The following DDHD1 variants were observed in gnomAD, a reference collection of about 807,000 sequenced individuals.
The protein encoded by DDHD1 is DDHD domain containing 1, also known as phospholipase DDHD1.
A neutral mutation model predicts 96.4 loss-of-function variants in DDHD1; 49 were observed. The observed-to-expected ratio is 0.51, with a 90% CI of 0.40 to 0.64. The LOEUF (loss-of-function observed/expected upper bound fraction) is 0.64. DDHD1 is among the 30% of genes least tolerant of loss of function. The pLI, the probability that DDHD1 is intolerant of heterozygous loss-of-function variation, is 0.00. For synonymous variants in DDHD1, 442 were observed against 446.5 expected (o/e 0.99, Z 0.13); for missense variants, 1,106 against 1,161.2 (o/e 0.95, Z 0.69).
At chr14:53,088,126 T>C (rs934872337) in intron 4 of DDHD1, among the ~76,000 whole-genome samples, 4 of 152,160 alleles carry the variant, frequency 2.6e-5, no homozygotes, top group East Asian at 3.9e-4. Context: ...CAGGAGGAAG[T>C]TGAATCACTG....
intron 1 of DDHD1, among the ~76,000 whole-genome samples, chr14:53,128,637 C>A (rs769174359): frequency 6.6e-6 from 1 of 152,200 alleles, no homozygotes; most frequent in Non-Finnish European, 1.5e-5. Context: ...TTAAGTGCAA[C>A]AGCTGGTTCA....
chr14:53,130,094 C>T (rs527966356), intron 1 of DDHD1, among the ~76,000 whole-genome samples: 51 of 152,268 alleles, frequency 3.3e-4, no homozygotes, highest in African/African-American at 1.2e-3. Context: ...TCCCCTCCTC[C>T]CCAGGCTGCT....
intron 1 of DDHD1, among the ~76,000 whole-genome samples, chr14:53,145,277 C>A (rs954931860): frequency 1.3e-5 from 2 of 151,838 alleles, no homozygotes; most frequent in Non-Finnish European, 2.9e-5. Context: ...GGCAGGAGGG[C>A]TGCTTGAGCC....
chr14:53,112,327 G>A (rs775391885), intron 1 of DDHD1, among the ~76,000 whole-genome samples: 1 of 151,710 alleles, frequency 6.6e-6, no homozygotes, highest in Non-Finnish European at 1.5e-5. Flanking sequence ...TGAGGCAGAA[G>A]AATCGCTTGA....
At chr14:53,129,340 T>C (rs956306154) in intron 1 of DDHD1, among the ~76,000 whole-genome samples, 2 of 152,168 alleles carry the variant, frequency 1.3e-5, no homozygotes, top group African/African-American at 4.8e-5. Context: ...TTCACTCTCT[T>C]CTCCAACCTC....
In DDHD1 at chr14:53,126,211, T is replaced by C. The variant is rs557722144; in HGVS notation, c.839-22355A>G. The stretch of plus-strand genomic sequence containing the variant: ...AAAATATTTTCAGTATTTTTATGTA[T>C]ACATATTTACAAATTATGTATATAT... On this transcript the variant is annotated intron_variant, in intron 1 of 12. Transcript: ENST00000673822. 2.3e-4 allele frequency among the ~76,000 whole-genome samples: 35 copies of C among 152,338 alleles called. 1 individual carries two copies. In the South Asian group the frequency reaches 6.9e-3, roughly 30 times the overall value.
intron 1 of DDHD1, 148 bp downstream of exon 1, chr14:53,152,113 G>GAAGCGTTGGGTGTAGAT: frequency 2.4e-6 from 2 of 833,736 alleles, no homozygotes; most frequent in Admixed American, 3.2e-5. Flanking sequence ...AGCTGCCGAC[G>GAAGCGTTGGGTGTAGAT]CTCCCTGCTC....
At chr14:53,114,910 G>A (rs540259174) in intron 1 of DDHD1, among the ~76,000 whole-genome samples, 45 of 152,274 alleles carry the variant, frequency 3.0e-4, no homozygotes, top group African/African-American at 1.1e-3. Flanking sequence ...TCAGAAGGTG[G>A]GTAATAACAA....
At chr14:53,093,524 T>A (rs1886615627) in intron 2 of DDHD1, 80 bp from the exon 3 acceptor site, 5 of 1,535,834 alleles carry the variant, frequency 3.3e-6, no homozygotes, top group Non-Finnish European at 4.4e-6. Context: ...ACTCAGATTT[T>A]AAAATCAATA....
intron 12 of DDHD1, among the ~76,000 whole-genome samples, chr14:53,048,254 C>A (rs1196385798): frequency 6.6e-6 from 1 of 151,488 alleles, no homozygotes; most frequent in African/African-American, 2.4e-5. Flanking sequence ...AGAAGGTTTA[C>A]ATTTAAGTGG....
intron 6 of DDHD1, among the ~76,000 whole-genome samples, chr14:53,071,281 C>T (rs150939044): frequency 2.0e-5 from 3 of 151,928 alleles, no homozygotes; most frequent in Non-Finnish European, 4.4e-5. Context: ...AAAATTGGGG[C>T]CATATATGAT....
Position 53,093,321 on chromosome 14 carries a change from G to GA in DDHD1, c.1135dup (p.Ser379PhefsTer2). Reference sequence around the variant, plus strand: ...TAGTAATATTTAACAATTACCTTTAGAAAATCCCAGTTTTTGGGTAACTGT... The same window carrying GA: ...TAGTAATATTTAACAATTACCTTTAGAAAAATCCCAGTTTTTGGGTAACTGT... On this transcript the variant is annotated frameshift_variant, in exon 3 of 13. Coordinates refer to ENST00000673822, the MANE Select transcript of DDHD1 (RefSeq NM_001160148.2). LOFTEE classifies it high-confidence loss of function. 1 of 1,607,344 alleles carries GA rather than the reference G, an allele frequency of 6.2e-7. No homozygotes were observed. The highest frequency in any genetic ancestry group is 8.5e-7 in the Non-Finnish European group (1 of 1,178,446).
At chr14:53,062,035 CAAAAAAAA>C (rs779302322) in intron 7 of DDHD1, among the ~76,000 whole-genome samples, 4 of 76,798 alleles carry the variant, frequency 5.2e-5, no homozygotes, top group African/African-American at 9.5e-5. Flanking sequence ...ACTCCGTCTC[CAAAAAAAA>C]AAAAAAAAAA....
At position 53,103,242 on chromosome 14, in the gene DDHD1, G is replaced by A. The variant is rs185270970; in HGVS notation, c.1012+441C>T. The A allele has an allele frequency of 1.3e-5, 6 of 465,430 alleles. No homozygotes were observed. In the Admixed American group the frequency reaches 1.6e-4, roughly 13 times the overall value. The allele number at this position is 465,430 out of a possible 1,614,324, so 28.8% of individuals were successfully genotyped here. A position where few individuals can be genotyped will look rare whatever the true frequency, so the allele number is the denominator to read the frequency against. On this transcript the variant is annotated intron_variant, in intron 2 of 12. Transcript: ENST00000673822. ...TTGTTTCAAATTAAAACTTGATATG[G>A]TTTTCAATAGGGGATAACTAAGAGA...
intron 1 of DDHD1, among the ~76,000 whole-genome samples, chr14:53,144,069 A>C (rs1368632134): frequency 1.3e-5 from 2 of 152,250 alleles, no homozygotes; most frequent in Admixed American, 1.3e-4. Context: ...CATTCACTAT[A>C]CATGAGACAT....
chr14:53,148,617 A>G (rs2139916854), intron 1 of DDHD1, among the ~76,000 whole-genome samples: 1 of 152,274 alleles, frequency 6.6e-6, no homozygotes, highest in South Asian at 2.1e-4. Flanking sequence ...CTGGCCTAGA[A>G]TTGCTGAATT....
At chr14:53,105,069 C>T (rs1887584261) in intron 1 of DDHD1, among the ~76,000 whole-genome samples, 1 of 151,688 alleles carries the variant, frequency 6.6e-6, no homozygotes, top group Non-Finnish European at 1.5e-5. Context: ...AGATTTTAAG[C>T]ATAAGACAAA....
intron 4 of DDHD1, among the ~76,000 whole-genome samples, chr14:53,085,202 CTGAA>C: frequency 6.6e-6 from 1 of 152,202 alleles, no homozygotes; most frequent in Non-Finnish European, 1.5e-5. Flanking sequence ...CAGGGCATAG[CTGAA>C]CAAAAGGCAG....
chr14:53,120,030 G>A (rs1888863419), intron 1 of DDHD1, among the ~76,000 whole-genome samples: 1 of 152,162 alleles, frequency 6.6e-6, no homozygotes, highest in South Asian at 2.1e-4. Flanking sequence ...CAAATGACAT[G>A]ATTGTATATT....
Sources: gnomAD v4.1 joint callset for allele counts (sites outside exome capture counted in the v4.1 genomes callset) on GRCh38, gnomAD v4.1.1 for gene constraint, MANE v1.5 for transcripts, NCBI Gene and HGNC (gene_info 2026-07-23, HGNC 2026-07-21) for gene names.